Variants in CCDC102A observed in about 807,000 individuals in gnomAD.
CCDC102A encodes the protein coiled-coil domain-containing protein 102A.
A neutral mutation model predicts 55.5 loss-of-function variants in CCDC102A; 40 were observed. The observed-to-expected ratio is 0.72, with a 90% CI of 0.56 to 0.94. CCDC102A has a LOEUF of 0.94. Among genes scored for constraint, CCDC102A ranks in the 40% least tolerant of loss-of-function variants. The pLI, the probability that CCDC102A is intolerant of heterozygous loss-of-function variation, is 0.00. For synonymous variants in CCDC102A, 323 were observed against 339.0 expected (o/e 0.95, Z 0.52); for missense variants, 779 against 768.6 (o/e 1.01, Z -0.16).
intron 3 of CCDC102A, among the ~76,000 whole-genome samples, chr16:57,525,135 G>A (rs1456637487): frequency 1.3e-5 from 2 of 151,460 alleles, no homozygotes; most frequent in Non-Finnish European, 2.9e-5. Context: ...TTGCTCTGTC[G>A]CCCAGGATGG....
intron 5 of CCDC102A, 44 bp from the exon 6 acceptor site, chr16:57,518,321 C>A (rs2031992975): frequency 6.4e-7 from 1 of 1,574,608 alleles, no homozygotes; most frequent in African/African-American, 1.3e-5. Context: ...GCGGAGGGGG[C>A]ATGCAGGGCC....
chr16:57,517,156 C>T (rs918439303), intron 6 of CCDC102A, among the ~76,000 whole-genome samples: 3 of 152,054 alleles, frequency 2.0e-5, no homozygotes, highest in Non-Finnish European at 4.4e-5. Flanking sequence ...TCGAAGAGTC[C>T]CACCACTCGT....
At chr16:57,513,462 C>T (rs754225562) in intron 8 of CCDC102A, among the ~76,000 whole-genome samples, 1 of 152,194 alleles carries the variant, frequency 6.6e-6, no homozygotes, top group Non-Finnish European at 1.5e-5. Context: ...ATTATTAACA[C>T]GTAAGGGAGG....
At chr16:57,518,563 G>T in intron 5 of CCDC102A, 62 bp downstream of exon 5, 2 of 1,307,636 alleles carry the variant, frequency 1.5e-6, no homozygotes, top group Non-Finnish European at 2.2e-6. Flanking sequence ...GTGACCTGCT[G>T]ATGGAGCAGG....
chr16:57,517,725 C>A (rs2031979395), intron 6 of CCDC102A, among the ~76,000 whole-genome samples: 1 of 152,216 alleles, frequency 6.6e-6, no homozygotes, highest in South Asian at 2.1e-4. Flanking sequence ...AGTATCCCCT[C>A]TTCTTGCTGG....
chr16:57,514,388 TG>T (rs2031917989), intron 8 of CCDC102A, among the ~76,000 whole-genome samples: 1 of 152,078 alleles, frequency 6.6e-6, no homozygotes, highest in Non-Finnish European at 1.5e-5. Context: ...TTTGTAGACA[TG>T]GGGGTCTTGC....
At chr16:57,522,975 T>C (rs1382702735) in intron 3 of CCDC102A, among the ~76,000 whole-genome samples, 4 of 152,226 alleles carry the variant, frequency 2.6e-5, no homozygotes, top group Non-Finnish European at 4.4e-5. Context: ...GAGAGCAGCC[T>C]GGGCAACATG....
At chr16:57,520,302 C>T (rs1046462065) in intron 4 of CCDC102A, among the ~76,000 whole-genome samples, 1 of 152,180 alleles carries the variant, frequency 6.6e-6, no homozygotes, top group Non-Finnish European at 1.5e-5. Flanking sequence ...CAGGAACACT[C>T]TCCCCTGTAT....
chr16:57,536,668 C>T (rs991496364), upstream of CCDC102A: 14 of 152,242 alleles, frequency 9.2e-5, no homozygotes, highest in African/African-American at 3.1e-4. Flanking sequence ...CCGAAGCGGT[C>T]GCAGGCTGCG....
chr16:57,531,730 C>G (rs1243653003), intron 1 of CCDC102A, among the ~76,000 whole-genome samples: 2 of 152,142 alleles, frequency 1.3e-5, no homozygotes, highest in African/African-American at 2.4e-5. Context: ...CCATGTCCCT[C>G]TCTTTCCCAG....
At chr16:57,532,868 G>A (rs1386145835) in intron 1 of CCDC102A, among the ~76,000 whole-genome samples, 18 of 152,212 alleles carry the variant, frequency 1.2e-4, no homozygotes, top group African/African-American at 3.9e-4. Flanking sequence ...AATGCCAGCC[G>A]GCAGCTGTGC....
intron 1 of CCDC102A, among the ~76,000 whole-genome samples, chr16:57,533,694 G>GCA (rs1159642998): frequency 6.7e-6 from 1 of 148,870 alleles, no homozygotes; most frequent in African/African-American, 2.5e-5. Flanking sequence ...CCAGTAACGT[G>GCA]CACACACACA....
At position 57,512,647 on chromosome 16, in the gene CCDC102A, G is replaced by C; in HGVS notation, c.*94C>G. The C allele has an allele frequency of 8.8e-6, 13 of 1,475,538 alleles. No individual in the cohort carries two copies. The highest frequency in any genetic ancestry group is 1.2e-5 in the Non-Finnish European group (13 of 1,097,994). The allele number at this position is 1,475,538 out of a possible 1,614,324, so 91.4% of individuals were successfully genotyped here. On this transcript the variant is annotated 3_prime_UTR_variant, in exon 9 of 9. Transcript: ENST00000258214. ...TCGGCTGTGGCAGGGACTGGTCCCAGAGTGAGCCTAGGCACTGCATCAGTT... is the reference window on the plus strand; with the variant it reads ...TCGGCTGTGGCAGGGACTGGTCCCACAGTGAGCCTAGGCACTGCATCAGTT...
chr16:57,530,331 C>T (rs2032232969), intron 1 of CCDC102A, among the ~76,000 whole-genome samples: 1 of 152,166 alleles, frequency 6.6e-6, no homozygotes, highest in Non-Finnish European at 1.5e-5. Flanking sequence ...TCTCTGTCCC[C>T]AGTCTCCCTC....
intron 3 of CCDC102A, among the ~76,000 whole-genome samples, chr16:57,521,738 T>G (rs191480407): frequency 6.6e-6 from 1 of 152,268 alleles, no homozygotes; most frequent in African/African-American, 2.4e-5. Context: ...CACCCTGCCT[T>G]GATCTTGAAT....
Position 57,525,990 on chromosome 16 carries a change from G to T in CCDC102A, c.723C>A (p.Asp241Glu). The T allele has an allele frequency of 4.3e-6, 7 of 1,611,120 alleles. No individual in the cohort carries two copies. Among genetic ancestry groups the T allele is most frequent in the Non-Finnish European group, 5.9e-6 (7 of 1,178,926 alleles). ...AGGCCTCCTCCTCCGTGGCAGCTGT[G>T]TCCTCCCAGGGTAGCCGGCTGCGCT... The part of the protein sequence containing the change: ...RQERSRLPWE[D>E]TAATEEEASK... The change falls in exon 3 of 9, where the codon GAC becomes GAA. Residue 241 changes from aspartate to glutamate, a missense_variant. By Grantham distance (45) the Asp-to-Glu change is conservative (BLOSUM62 2). Transcript: ENST00000258214.
chr16:57,521,453 C>T (rs986996311), intron 3 of CCDC102A, among the ~76,000 whole-genome samples: 24 of 152,220 alleles, frequency 1.6e-4, no homozygotes, highest in Admixed American at 7.2e-4. Context: ...AAGTACCTCT[C>T]TCCTGCTGCA....
intron 2 of CCDC102A, among the ~76,000 whole-genome samples, chr16:57,527,276 A>G (rs1171964130): frequency 6.6e-6 from 1 of 152,210 alleles, no homozygotes; most frequent in Non-Finnish European, 1.5e-5. Context: ...TTCTGGTAAC[A>G]GGCCTGCTGG....
At chr16:57,533,362 C>G (rs1175411057) in intron 1 of CCDC102A, among the ~76,000 whole-genome samples, 2 of 151,988 alleles carry the variant, frequency 1.3e-5, no homozygotes, top group Non-Finnish European at 2.9e-5. Flanking sequence ...TCCTGCACTC[C>G]CACATAGACC....
Sources: gnomAD v4.1 joint callset for allele counts (sites outside exome capture counted in the v4.1 genomes callset) on GRCh38, gnomAD v4.1.1 for gene constraint, MANE v1.5 for transcripts, NCBI Gene and HGNC (gene_info 2026-07-23, HGNC 2026-07-21) for gene names.